Variants in COL21A1 observed in about 807,000 individuals in gnomAD.
The protein encoded by COL21A1 is collagen alpha-1(XXI) chain.
Under a neutral mutation model 137.9 loss-of-function variants are expected in COL21A1, and 149 were observed. The ratio of observed to expected loss-of-function variants is 1.08; its 90% CI spans 0.95 to 1.24. The LOEUF (loss-of-function observed/expected upper bound fraction) is 1.24, where lower values mean the gene tolerates loss of function less well. COL21A1 is among the 50% of genes most tolerant of loss of function. The probability of loss-of-function intolerance (pLI) is 0.00; values close to 1 mark genes in which losing one functional copy is unlikely to be tolerated. For synonymous variants in COL21A1, 456 were observed against 391.5 expected (o/e 1.16, Z -1.95); for missense variants, 1,167 against 1,158.4 (o/e 1.01, Z -0.11).
intron 1 of COL21A1, among the ~76,000 whole-genome samples, chr6:56,234,772 A>C (rs1781795983): frequency 6.6e-6 from 1 of 150,470 alleles, no homozygotes; most frequent in Non-Finnish European, 1.5e-5. Flanking sequence ...ACTCTTAATC[A>C]CTCTTGTCAT....
At chr6:56,218,721 G>A (rs1246821048) in intron 1 of COL21A1, among the ~76,000 whole-genome samples, 2 of 152,060 alleles carry the variant, frequency 1.3e-5, no homozygotes, top group African/African-American at 4.8e-5. Flanking sequence ...GTTGAAAATG[G>A]GTCTTAAAGC....
chr6:56,278,207 G>A (rs1763712225), intron 1 of COL21A1, among the ~76,000 whole-genome samples: 1 of 152,102 alleles, frequency 6.6e-6, no homozygotes, highest in Non-Finnish European at 1.5e-5. Flanking sequence ...CCACACCCTG[G>A]AGCATTAGAC....
At chr6:56,158,667 A>G (rs1462278536) in intron 9 of COL21A1, among the ~76,000 whole-genome samples, 1 of 152,172 alleles carries the variant, frequency 6.6e-6, no homozygotes, top group East Asian at 1.9e-4. Flanking sequence ...TCATGGAAAT[A>G]CTACTTCAGA....
At chr6:56,312,578 T>A (rs1012138337) in intron 1 of COL21A1, among the ~76,000 whole-genome samples, 1 of 152,176 alleles carries the variant, frequency 6.6e-6, no homozygotes, top group African/African-American at 2.4e-5. Flanking sequence ...CAGCAGGTAC[T>A]TAGATACTTA....
chr6:56,128,846 G>A (rs1000765357), intron 12 of COL21A1, among the ~76,000 whole-genome samples: 2 of 152,054 alleles, frequency 1.3e-5, no homozygotes, highest in African/African-American at 4.8e-5. Context: ...GTAGAGACAG[G>A]GTTTCACCCT....
chr6:56,165,907 T>TACAC (rs61397350), intron 7 of COL21A1, among the ~76,000 whole-genome samples: 8,922 of 105,582 alleles, frequency 0.085, 295 homozygotes, highest in Middle Eastern at 0.15. Context: ...GGGGATTGAT[T>TACAC]ACACACACAC....
chr6:56,298,242 T>C (rs1026933566), intron 1 of COL21A1, among the ~76,000 whole-genome samples: 2 of 152,098 alleles, frequency 1.3e-5, no homozygotes, highest in Non-Finnish European at 2.9e-5. Flanking sequence ...CTAGAATTAA[T>C]GTGAGCCAAC....
intron 3 of COL21A1, among the ~76,000 whole-genome samples, chr6:56,177,006 G>A (rs1051444838): frequency 2.7e-5 from 4 of 149,048 alleles, no homozygotes; most frequent in African/African-American, 5.0e-5. Flanking sequence ...GAAGGAGGAG[G>A]GAGAAGGAGG....
chr6:56,221,447 G>A (rs1218724253), intron 1 of COL21A1, among the ~76,000 whole-genome samples: 1 of 152,126 alleles, frequency 6.6e-6, no homozygotes, highest in Non-Finnish European at 1.5e-5. Flanking sequence ...AAAGGGTCGG[G>A]CACGGTGGTT....
At chr6:56,333,926 G>A (rs548067725) in intron 1 of COL21A1, among the ~76,000 whole-genome samples, 1 of 151,742 alleles carries the variant, frequency 6.6e-6, no homozygotes, top group Admixed American at 6.6e-5. Flanking sequence ...GATCCAATCT[G>A]TGTTTAAATA....
chr6:56,152,628 A>G (rs1309408158), intron 10 of COL21A1, among the ~76,000 whole-genome samples: 1 of 152,232 alleles, frequency 6.6e-6, no homozygotes, highest in Non-Finnish European at 1.5e-5. Flanking sequence ...CATGAGTATT[A>G]TATCAGGCTA....
intron 1 of COL21A1, among the ~76,000 whole-genome samples, chr6:56,285,788 C>A (rs183205455): frequency 6.6e-6 from 1 of 150,956 alleles, no homozygotes; most frequent in Non-Finnish European, 1.5e-5. Flanking sequence ...ACCCCTCCCC[C>A]ACCCTCCCTC....
At chr6:56,158,966 T>G (rs1775995791) in intron 9 of COL21A1, among the ~76,000 whole-genome samples, 1 of 152,176 alleles carries the variant, frequency 6.6e-6, no homozygotes, top group African/African-American at 2.4e-5. Flanking sequence ...TGGCTGGGCA[T>G]TAGGAAACAA....
chr6:56,359,327 T>C (rs1236161921), intron 1 of COL21A1, among the ~76,000 whole-genome samples: 1 of 152,186 alleles, frequency 6.6e-6, no homozygotes, highest in East Asian at 1.9e-4. Context: ...TTGTCTCCTA[T>C]AGTTTGGGGA....
intron 16 of COL21A1, among the ~76,000 whole-genome samples, chr6:56,115,090 G>A (rs1771801395): frequency 6.6e-6 from 1 of 150,508 alleles, no homozygotes; most frequent in Non-Finnish European, 1.5e-5. Flanking sequence ...TCATAGGTGG[G>A]AATTGAACAA....
chr6:56,305,401 A>G (rs1222709797), intron 1 of COL21A1, among the ~76,000 whole-genome samples: 1 of 152,116 alleles, frequency 6.6e-6, no homozygotes, highest in Non-Finnish European at 1.5e-5. Flanking sequence ...GACTTGCTTT[A>G]TGAATCTGGG....
Position 56,374,019 on chromosome 6 carries a change from A to T in COL21A1, c.-39+19952T>A, listed in dbSNP as rs374104451. On this transcript the variant is annotated intron_variant, in intron 1 of 28. Coordinates refer to the COL21A1 transcript ENST00000370819. ...CACACCTTCCCAACTTAGCCACCCT[A>T]TTTTAAAAGGAGTGTGTCTCTTCCA... 6.2e-4 allele frequency among the ~76,000 whole-genome samples: 94 copies of T among 152,318 alleles called. 1 individual carries two copies. In the South Asian group the frequency reaches 0.019, roughly 31 times the overall value.
In COL21A1 at chr6:56,057,136, C is replaced by T. The variant is rs1765407919; in HGVS notation, c.*521G>A. Reference sequence around the variant, plus strand: ...CACCGAACAACAGGCAATCCACTGCCCCTTATCAAGGCTGAGACACTGTAG... The same window carrying T: ...CACCGAACAACAGGCAATCCACTGCTCCTTATCAAGGCTGAGACACTGTAG... On this transcript the variant is annotated 3_prime_UTR_variant, in exon 30 of 30. Coordinates refer to ENST00000244728, the MANE Select transcript of COL21A1 (RefSeq NM_030820.4). 1 of 160,814 alleles carries T rather than the reference C, an allele frequency of 6.2e-6. No homozygotes were observed. The highest frequency in any genetic ancestry group is 1.3e-5 in the Non-Finnish European group (1 of 74,644). 10.0% of individuals were successfully genotyped at this position (160,814 alleles called of 1,614,324 possible).
intron 1 of COL21A1, among the ~76,000 whole-genome samples, chr6:56,390,494 G>GCACACA (rs2094027134): frequency 2.5e-5 from 2 of 78,900 alleles, no homozygotes; most frequent in Non-Finnish European, 5.2e-5. Flanking sequence ...GTGGCTGAAT[G>GCACACA]GACACACACA....
Sources: allele counts gnomAD v4.1 joint callset (sites outside exome capture counted in the v4.1 genomes callset), GRCh38; gene constraint gnomAD v4.1.1; transcripts MANE v1.5; gene names NCBI Gene and HGNC (gene_info 2026-07-23, HGNC 2026-07-21).